The following THSD7A variants were observed in gnomAD, a reference collection of about 807,000 sequenced individuals.
THSD7A encodes the protein thrombospondin type 1 domain containing 7A, also known as thrombospondin type-1 domain-containing protein 7A.
In THSD7A, 96 loss-of-function variants were observed where a neutral mutation model predicts 231.3. That is an observed-to-expected ratio of 0.41 (90% CI 0.35 to 0.49). The LOEUF (loss-of-function observed/expected upper bound fraction) is 0.49, where lower values mean the gene tolerates loss of function less well. THSD7A is among the 20% of genes least tolerant of loss of function. The probability of loss-of-function intolerance (pLI) is 0.05; values close to 1 mark genes in which losing one functional copy is unlikely to be tolerated. For synonymous variants in THSD7A, 940 were observed against 743.3 expected (o/e 1.26, Z -4.30); for missense variants, 2,290 against 2,070.2 (o/e 1.11, Z -2.06).
chr7:11,710,882 C>G (rs1362009951), intron 1 of THSD7A, among the ~76,000 whole-genome samples: 1 of 150,698 alleles, frequency 6.6e-6, no homozygotes, highest in Non-Finnish European at 1.5e-5. Context: ...GCTTGCTTTT[C>G]AAATGATAAT....
chr7:11,788,796 C>T (rs1783866229), intron 1 of THSD7A, among the ~76,000 whole-genome samples: 1 of 151,932 alleles, frequency 6.6e-6, no homozygotes, highest in African/African-American at 2.4e-5. Flanking sequence ...TATAATCAAA[C>T]ATTCAGTGTT....
chr7:11,500,541 G>T (rs1787288153), intron 6 of THSD7A, among the ~76,000 whole-genome samples: 1 of 151,934 alleles, frequency 6.6e-6, no homozygotes, highest in Non-Finnish European at 1.5e-5. Context: ...AAAAAAGCAA[G>T]ACCCAAAGGT....
chr7:11,722,484 C>T (rs1052265457), intron 1 of THSD7A, among the ~76,000 whole-genome samples: 1 of 151,890 alleles, frequency 6.6e-6, no homozygotes, highest in Non-Finnish European at 1.5e-5. Context: ...TCTGCCTGAA[C>T]ACATGACTCA....
At chr7:11,799,471 T>C (rs534002994) in intron 1 of THSD7A, among the ~76,000 whole-genome samples, 1 of 152,304 alleles carries the variant, frequency 6.6e-6, no homozygotes, top group East Asian at 1.9e-4. Context: ...AAAATATTAA[T>C]GCTCATTTAA....
intron 1 of THSD7A, among the ~76,000 whole-genome samples, chr7:11,740,177 C>T (rs1562520193): frequency 6.6e-6 from 1 of 151,796 alleles, no homozygotes; most frequent in Non-Finnish European, 1.5e-5. Flanking sequence ...CAAGGTAGTC[C>T]TAGGACAGTC....
Position 11,787,741 on chromosome 7 carries a change from C to T in THSD7A, c.190+44016G>A, listed in dbSNP as rs539516447. Among the ~76,000 whole-genome samples the T allele has an allele frequency of 1.0e-3, 158 of 152,128 alleles. 1 individual carries two copies. Among genetic ancestry groups the T allele is most frequent in the Middle Eastern group, 3.4e-3 (1 of 294 alleles). ...TGTTTAGAATAACTAGAATTCAAAACCATGACAACATCTAAAGCTGGTAAG... is the reference window on the plus strand; with the variant it reads ...TGTTTAGAATAACTAGAATTCAAAATCATGACAACATCTAAAGCTGGTAAG... On this transcript the variant is annotated intron_variant, in intron 1 of 27. Coordinates refer to ENST00000423059, the MANE Select transcript of THSD7A (RefSeq NM_015204.3).
chr7:11,541,726 G>A (rs1789158284), intron 5 of THSD7A, 95 bp from the exon 6 acceptor site: 2 of 1,175,192 alleles, frequency 1.7e-6, no homozygotes, highest in Non-Finnish European at 2.4e-6. Flanking sequence ...TTGGATAAGA[G>A]TGGAGGTAGA....
At chr7:11,816,542 C>T (rs2128185739) in intron 1 of THSD7A, among the ~76,000 whole-genome samples, 1 of 152,238 alleles carries the variant, frequency 6.6e-6, no homozygotes, top group African/African-American at 2.4e-5. Flanking sequence ...AAACATTGTA[C>T]AGGCACCAGA....
Position 11,375,494 on chromosome 7 carries a change from T to C in THSD7A, c.*300A>G, listed in dbSNP as rs187654397. On this transcript the variant is annotated 3_prime_UTR_variant, in exon 28 of 28. Coordinates refer to ENST00000423059, the MANE Select transcript of THSD7A (RefSeq NM_015204.3). ...CTAACTGGCCAATTCCACCATTATT[T>C]TTTAGAGATGAAAGTGGTTTTTCAG... 36 of 224,692 alleles carry C rather than the reference T, an allele frequency of 1.6e-4. No individual in the cohort carries two copies. Among genetic ancestry groups the C allele is most frequent in the African/African-American group, 7.7e-4 (34 of 43,944 alleles). 13.9% of individuals were successfully genotyped at this position (224,692 alleles called of 1,614,324 possible).
At position 11,814,946 on chromosome 7, in the gene THSD7A, A is replaced by G. The variant is rs974877709; in HGVS notation, c.190+16811T>C. Among the ~76,000 whole-genome samples the G allele has an allele frequency of 2.6e-5, 4 of 152,084 alleles. No individual in the cohort carries two copies. The highest frequency in any genetic ancestry group is 7.2e-5 in the African/African-American group (3 of 41,412). On this transcript the variant is annotated intron_variant, in intron 1 of 27. Coordinates refer to ENST00000423059, the MANE Select transcript of THSD7A (RefSeq NM_015204.3). This position sits in a 1 kb window ranked among gnomAD's most constrained non-coding sequence, Gnocchi z 5.1. ...TAATCCTGATTACTCCTCTCTCCACAGGGCCCATGAACTAATGGGAACAAA... is the reference window on the plus strand; with the variant it reads ...TAATCCTGATTACTCCTCTCTCCACGGGGCCCATGAACTAATGGGAACAAA...
At chr7:11,703,829 T>C (rs1780679665) in intron 1 of THSD7A, among the ~76,000 whole-genome samples, 1 of 151,212 alleles carries the variant, frequency 6.6e-6, no homozygotes, top group Non-Finnish European at 1.5e-5. Flanking sequence ...TTATCATTTT[T>C]GAAAGAGGAG....
At chr7:11,490,825 C>T (rs1324759734) in intron 6 of THSD7A, among the ~76,000 whole-genome samples, 1 of 152,046 alleles carries the variant, frequency 6.6e-6, no homozygotes, top group Non-Finnish European at 1.5e-5. Context: ...GATAATTTAA[C>T]TATTCTAAAA....
chr7:11,691,446 A>G (rs1458120837), intron 1 of THSD7A, among the ~76,000 whole-genome samples: 2 of 151,508 alleles, frequency 1.3e-5, no homozygotes, highest in Admixed American at 6.6e-5. Flanking sequence ...ACTAATAGAA[A>G]GTGGGAGTAG....
At chr7:11,813,283 C>T (rs1277858115) in intron 1 of THSD7A, among the ~76,000 whole-genome samples, 1 of 152,118 alleles carries the variant, frequency 6.6e-6, no homozygotes, top group East Asian at 1.9e-4. Context: ...CACTTTTATT[C>T]TTATGAATTA....
intron 1 of THSD7A, among the ~76,000 whole-genome samples, chr7:11,808,552 G>GA (rs1784452962): frequency 6.6e-6 from 1 of 151,824 alleles, no homozygotes. Context: ...ATACCAAAAT[G>GA]AAAAAATATA....
At position 11,801,670 on chromosome 7, in the gene THSD7A, A is replaced by G. The variant is rs186753214; in HGVS notation, c.190+30087T>C. Among the ~76,000 whole-genome samples the G allele has an allele frequency of 1.5e-3, 222 of 152,342 alleles. 1 individual carries two copies. Among genetic ancestry groups the G allele is most frequent in the African/African-American group, 5.1e-3 (211 of 41,582 alleles). On this transcript the variant is annotated intron_variant, in intron 1 of 27. Coordinates refer to ENST00000423059, the MANE Select transcript of THSD7A (RefSeq NM_015204.3). ...AGGTTTTCCAAAAGAACTGGAAAAA[A>G]AAGAATACATTTTGTTTAGATGTGG... is the stretch of plus-strand genomic sequence containing the variant.
intron 1 of THSD7A, among the ~76,000 whole-genome samples, chr7:11,762,360 T>C (rs1782891918): frequency 2.0e-5 from 3 of 152,294 alleles, no homozygotes; most frequent in Non-Finnish European, 4.4e-5. Flanking sequence ...CCACCAGCAA[T>C]GTCTAGGCGG....
intron 1 of THSD7A, among the ~76,000 whole-genome samples, chr7:11,682,835 A>G (rs779883812): frequency 2.4e-4 from 36 of 152,050 alleles, no homozygotes; most frequent in Non-Finnish European, 3.5e-4. Flanking sequence ...AACATATTCT[A>G]TGATTGATCA....
chr7:11,727,596 G>A (rs890112112), intron 1 of THSD7A, among the ~76,000 whole-genome samples: 1 of 151,910 alleles, frequency 6.6e-6, no homozygotes, highest in African/African-American at 2.4e-5. Flanking sequence ...TGGACAATGA[G>A]TAGATGTGAA....
Sources: gnomAD v4.1 joint callset for allele counts (sites outside exome capture counted in the v4.1 genomes callset) on GRCh38, gnomAD v4.1.1 for gene constraint, Gnocchi (gnomAD v3.1) non-coding constraint, MANE v1.5 for transcripts, NCBI Gene and HGNC (gene_info 2026-07-23, HGNC 2026-07-21) for gene names.